The following SHISAL1 variants were observed in gnomAD, a reference collection of about 807,000 sequenced individuals.
The protein encoded by SHISAL1 is protein shisa-like-1.
SHISAL1 carries 9 observed loss-of-function variants against 22.6 expected under a neutral mutation model. The observed-to-expected ratio is 0.40, with a 90% CI of 0.24 to 0.70. The LOEUF (loss-of-function observed/expected upper bound fraction) is 0.70. Ranked by LOEUF, SHISAL1 falls within the 30% of genes least tolerant of loss-of-function variation. SHISAL1 has a pLI of 0.39. For missense variants in SHISAL1, 246 were observed against 270.6 expected, an observed-to-expected ratio of 0.91 and a Z score of 0.64; for synonymous variants, 119 against 115.4, an observed-to-expected ratio of 1.03 and a Z score of -0.20.
chr22:44,263,690 G>C (rs1164817205), intron 4 of SHISAL1, among the ~76,000 whole-genome samples: 1 of 152,188 alleles, frequency 6.6e-6, no homozygotes, highest in Non-Finnish European at 1.5e-5. Flanking sequence ...AGGTTGGAGA[G>C]ATGTCCTTGC....
intron 4 of SHISAL1, among the ~76,000 whole-genome samples, chr22:44,283,717 C>G (rs1310423871): frequency 1.3e-5 from 2 of 152,140 alleles, no homozygotes; most frequent in African/African-American, 2.4e-5. Context: ...GGGGGAGGAC[C>G]ACCGTTTTAA....
In SHISAL1 at chr22:44,298,283, G is replaced by C. The variant is rs367641327; in HGVS notation, c.68-1398C>G. Among the ~76,000 whole-genome samples the C allele has an allele frequency of 9.2e-5, 14 of 152,352 alleles. No individual in the cohort carries two copies. The East Asian group carries it at 2.7e-3, about 29-fold the overall frequency. On this transcript the variant is annotated intron_variant, in intron 2 of 4. Transcript: ENST00000381176. Reference sequence around the variant, plus strand: ...CCATCTCATTTATTCCCATCGTACAGGGGAGAAAACTGTGGCTCAGAGCAG... The same window carrying C: ...CCATCTCATTTATTCCCATCGTACACGGGAGAAAACTGTGGCTCAGAGCAG...
chr22:44,278,824 C>T (rs1014658839), intron 4 of SHISAL1, among the ~76,000 whole-genome samples: 3 of 152,096 alleles, frequency 2.0e-5, no homozygotes, highest in Non-Finnish European at 4.4e-5. Flanking sequence ...GCATAGGCTT[C>T]GGCTTGAGGA....
At chr22:44,253,219 ATAATCT>A (rs1168383911) in intron 4 of SHISAL1, among the ~76,000 whole-genome samples, 1 of 152,188 alleles carries the variant, frequency 6.6e-6, no homozygotes, top group Non-Finnish European at 1.5e-5. Flanking sequence ...ATCAGGGGTC[ATAATCT>A]TAATATCAGA....
intron 3 of SHISAL1, among the ~76,000 whole-genome samples, chr22:44,296,211 T>G (rs1462143678): frequency 1.4e-5 from 2 of 142,556 alleles, no homozygotes; most frequent in East Asian, 4.5e-4. Context: ...CAGGCTGGAG[T>G]GCAATGGCGC....
intron 4 of SHISAL1, among the ~76,000 whole-genome samples, chr22:44,280,483 G>A (rs1569216155): frequency 6.6e-6 from 1 of 152,206 alleles, no homozygotes; most frequent in Non-Finnish European, 1.5e-5. Flanking sequence ...AAGGGGGGCA[G>A]TGTCTAAAGT....
chr22:44,329,015 T>C, the SHISAL1 span, among the ~76,000 whole-genome samples: 5 of 152,216 alleles, frequency 3.3e-5, no homozygotes, highest in African/African-American at 1.2e-4. Flanking sequence ...CAAGCTCCCC[T>C]GGCCCCAACC....
At chr22:44,258,941 C>G (rs2055103118) in intron 4 of SHISAL1, among the ~76,000 whole-genome samples, 2 of 152,176 alleles carry the variant, frequency 1.3e-5, no homozygotes, top group South Asian at 4.1e-4. Flanking sequence ...ATCACAGCCA[C>G]TGATGTGGGA....
upstream of SHISAL1, among the ~76,000 whole-genome samples, chr22:44,317,642 C>A (rs1438434039): frequency 1.3e-5 from 2 of 152,212 alleles, no homozygotes; most frequent in African/African-American, 4.8e-5. Context: ...GTGGGCTGTT[C>A]CCATGGGGGC....
intron 1 of SHISAL1, among the ~76,000 whole-genome samples, chr22:44,302,683 G>A (rs1192360061): frequency 8.1e-3 from 880 of 108,672 alleles, no homozygotes; most frequent in Non-Finnish European, 0.012. Context: ...GGGTGGGTGC[G>A]GTGAGGAGGC....
intron 4 of SHISAL1, among the ~76,000 whole-genome samples, chr22:44,276,100 G>A (rs1048848560): frequency 1.3e-5 from 2 of 152,194 alleles, no homozygotes; most frequent in Non-Finnish European, 2.9e-5. Context: ...GTCAGGCGGC[G>A]GTGCACATGA....
At chr22:44,258,128 GA>G (rs1385471051) in intron 4 of SHISAL1, among the ~76,000 whole-genome samples, 1 of 152,018 alleles carries the variant, frequency 6.6e-6, no homozygotes, top group Non-Finnish European at 1.5e-5. Flanking sequence ...CAACAAGAAT[GA>G]AACTCCGTCT....
At chr22:44,255,975 C>T (rs1409452507) in intron 4 of SHISAL1, among the ~76,000 whole-genome samples, 1 of 152,196 alleles carries the variant, frequency 6.6e-6, no homozygotes, top group Non-Finnish European at 1.5e-5. Flanking sequence ...GTGTCCTCCC[C>T]TGTGCAGGTG....
chr22:44,316,877 G>T (rs975272200), upstream of SHISAL1, among the ~76,000 whole-genome samples: 1 of 152,228 alleles, frequency 6.6e-6, no homozygotes, highest in Non-Finnish European at 1.5e-5. Context: ...AGGAGGGGGA[G>T]CTGGGGGTTG....
At chr22:44,287,392 T>G (rs1322697330) in intron 3 of SHISAL1, among the ~76,000 whole-genome samples, 9 of 152,216 alleles carry the variant, frequency 5.9e-5, no homozygotes, top group Non-Finnish European at 1.3e-4. Context: ...GCCAAGTTCT[T>G]GGCCTGAAGA....
chr22:44,251,729 T>A (rs1296828113), intron 4 of SHISAL1, among the ~76,000 whole-genome samples: 2 of 152,156 alleles, frequency 1.3e-5, no homozygotes, highest in African/African-American at 4.8e-5. Flanking sequence ...TCATTCACCA[T>A]GAGAACAGCA....
chr22:44,306,542 ATGG>A, intron 1 of SHISAL1, among the ~76,000 whole-genome samples: 1 of 97,542 alleles, frequency 1.0e-5, no homozygotes, highest in African/African-American at 3.9e-5. Flanking sequence ...TCTGATGACG[ATGG>A]CATGTGTGGA....
chr22:44,306,533 CTGA>C (rs2055475759), intron 1 of SHISAL1, among the ~76,000 whole-genome samples: 6 of 48,834 alleles, frequency 1.2e-4, no homozygotes, highest in Non-Finnish European at 2.1e-4. Context: ...TCGGGGAGCT[CTGA>C]TGACGATGGC....
rs1491154287 is a variant in SHISAL1, at chr22:44,253,425, A to ATTTTTTTTTTTTTTTTTTTTTTTTT, written c.*-3741_*-3740insAAAAAAAAAAAAAAAAAAAAAAAAA. On this transcript the variant is annotated intron_variant, in intron 4 of 4. Transcript: ENST00000381176. ...AAGCAGAGTATGCTAGTATTAGTGC[A>ATTTTTTTTTTTTTTTTTTTTTTTTT]TGTTTTTTTTTTTTTTTTTTTTTGA... is the stretch of plus-strand genomic sequence containing the variant. Among the ~76,000 whole-genome samples, 4 of 107,884 alleles carry ATTTTTTTTTTTTTTTTTTTTTTTTT rather than the reference A, an allele frequency of 3.7e-5. 2 individuals carry two copies. Among genetic ancestry groups the ATTTTTTTTTTTTTTTTTTTTTTTTT allele is most frequent in the African/African-American group, 6.4e-5 (2 of 31,034 alleles). The allele number at this position is 107,884 out of a possible 152,430, so 70.8% of individuals were successfully genotyped here.
Sources: gnomAD v4.1 joint callset for allele counts (sites outside exome capture counted in the v4.1 genomes callset) on GRCh38, gnomAD v4.1.1 for gene constraint, MANE v1.5 for transcripts, NCBI Gene and HGNC (gene_info 2026-07-23, HGNC 2026-07-21) for gene names.